The following RIPOR3 variants were observed in gnomAD, a reference collection of about 807,000 sequenced individuals.
The protein encoded by RIPOR3 is RIPOR family member 3.
In RIPOR3, 95 loss-of-function variants were observed where a neutral mutation model predicts 114.3. That is an observed-to-expected ratio of 0.83 (90% CI 0.70 to 0.99). The LOEUF is 0.99. RIPOR3 is among the 50% of genes least tolerant of loss of function. The probability of loss-of-function intolerance (pLI) is 0.00; values close to 1 mark genes in which losing one functional copy is unlikely to be tolerated. For synonymous variants in RIPOR3, 575 were observed against 543.8 expected (o/e 1.06, Z -0.80); for missense variants, 1,252 against 1,266.9 (o/e 0.99, Z 0.18).
At chr20:50,632,405 G>T (rs1001446153) in intron 1 of RIPOR3, among the ~76,000 whole-genome samples, 1 of 152,198 alleles carries the variant, frequency 6.6e-6, no homozygotes, top group Admixed American at 6.5e-5. Flanking sequence ...GGCTGTCTCT[G>T]TGCAATTGGC....
chr20:50,637,162 G>A (rs1434210927), intron 1 of RIPOR3, among the ~76,000 whole-genome samples: 1 of 152,092 alleles, frequency 6.6e-6, no homozygotes, highest in African/African-American at 2.4e-5. Context: ...AGTCCAACTC[G>A]CTCATTTTAC....
At chr20:50,643,467 G>A (rs1404926645) in intron 1 of RIPOR3, among the ~76,000 whole-genome samples, 2 of 150,474 alleles carry the variant, frequency 1.3e-5, no homozygotes, top group Non-Finnish European at 3.0e-5. Context: ...GCCGAGGTGG[G>A]AAGACCGCTT....
chr20:50,627,563 A>G (rs2084665606), intron 2 of RIPOR3, among the ~76,000 whole-genome samples: 1 of 150,674 alleles, frequency 6.6e-6, no homozygotes, highest in African/African-American at 2.5e-5. Context: ...CGCTCCTGTA[A>G]TCCCAGCTAC....
rs1466328433 is a variant in RIPOR3, at chr20:50,620,098, T to A, written c.157A>T (p.Met53Leu). ...TACATCTTGGAGGATTTTGCAGGCA[T>A]TCGCGATCTCACGGAGTTCCTGTTG... ...SINRNSVRSR[M>L]PAKSSKMYGT... Residue 53 changes from methionine to leucine, a missense_variant, in exon 3 of 22, where the codon ATG (methionine) becomes TTG (leucine). Coordinates refer to ENST00000327979, the MANE Select transcript of RIPOR3 (RefSeq NM_001290268.2). 6.2e-7 allele frequency: 1 copy of A among 1,614,178 alleles called. No individual in the cohort carries two copies. Among genetic ancestry groups the A allele is most frequent in the East Asian group, 2.2e-5 (1 of 44,884 alleles).
chr20:50,623,135 C>T (rs920730818), intron 2 of RIPOR3, among the ~76,000 whole-genome samples: 3 of 151,842 alleles, frequency 2.0e-5, no homozygotes, highest in Admixed American at 1.3e-4. Flanking sequence ...GTGGTGGACA[C>T]CTGTAATCCC....
At chr20:50,591,114 C>A (rs572058946) in intron 19 of RIPOR3, among the ~76,000 whole-genome samples, 1 of 151,880 alleles carries the variant, frequency 6.6e-6, no homozygotes. Context: ...GAGAAAGAAA[C>A]GGGGAAAAAA....
intron 1 of RIPOR3, among the ~76,000 whole-genome samples, chr20:50,651,024 T>G (rs1249933548): frequency 6.6e-6 from 1 of 151,824 alleles, no homozygotes; most frequent in East Asian, 1.9e-4. Context: ...TAGACTGGAG[T>G]GCAGTGGCAT....
chr20:50,664,248 C>T (rs1045507221), intron 1 of RIPOR3, among the ~76,000 whole-genome samples: 21 of 152,108 alleles, frequency 1.4e-4, no homozygotes, highest in Admixed American at 1.0e-3. Context: ...CTTTCAAGGA[C>T]AAAAACTGCA....
Position 50,615,984 on chromosome 20 carries a change from G to T in RIPOR3, c.348+18C>A. 6.3e-7 allele frequency: 1 copy of T among 1,598,344 alleles called. No homozygotes were observed. The highest frequency in any genetic ancestry group is 8.5e-7 in the Non-Finnish European group (1 of 1,172,152). On this transcript the variant is annotated intron_variant, in intron 4 of 21. Coordinates refer to ENST00000327979, the MANE Select transcript of RIPOR3 (RefSeq NM_001290268.2). ...GCCAAGGCTATCTGGGTGGGAAGCAGGCAGGGAGGGGTCTCACCAGCCTGG... is the reference window on the plus strand; with the variant it reads ...GCCAAGGCTATCTGGGTGGGAAGCATGCAGGGAGGGGTCTCACCAGCCTGG...
At chr20:50,622,541 G>C (rs189807360) in intron 2 of RIPOR3, among the ~76,000 whole-genome samples, 1 of 152,132 alleles carries the variant, frequency 6.6e-6, no homozygotes, top group East Asian at 1.9e-4. Context: ...CTCTTCCCAG[G>C]GGCGGGAATA....
Position 50,602,217 on chromosome 20 carries a change from G to A in RIPOR3, c.1514C>T (p.Ala505Val), listed in dbSNP as rs2083523928. ...SSSQNGHEEG[A>V]TGDREDGPGV... ...AGGCCCGTCCTCTCTGTCCCCGGTT[G>A]CCCCTTCCTCGTGGCCGTTCTGGCT... Residue 505 changes from alanine to valine, a missense_variant, in exon 13 of 22, where the codon GCA becomes GTA. Ala to Val is a moderately conservative substitution (Grantham distance 64). Transcript: ENST00000327979. This position sits in a 1 kb window ranked among gnomAD's most constrained non-coding sequence, Gnocchi z 4.3. 1.2e-6 allele frequency: 2 copies of A among 1,613,780 alleles called. No individual in the cohort carries two copies. Among genetic ancestry groups the A allele is most frequent in the Non-Finnish European group, 1.7e-6 (2 of 1,179,960 alleles).
intron 1 of RIPOR3, chr20:50,653,354 GT>G (rs1470951550): frequency 6.6e-6 from 1 of 152,008 alleles, no homozygotes; most frequent in Non-Finnish European, 1.5e-5. Flanking sequence ...TCTTTCTGGG[GT>G]AAAACTGCTC....
Position 50,649,646 on chromosome 20 carries a change from GC to G in RIPOR3, c.4-18791del, listed in dbSNP as rs371715237. 3.7e-4 allele frequency among the ~76,000 whole-genome samples: 56 copies of G among 151,854 alleles called. No homozygotes were observed. In the South Asian group the frequency reaches 4.8e-3, roughly 13 times the overall value. On this transcript the variant is annotated intron_variant, in intron 1 of 21. Transcript: ENST00000327979. ...GCCCAGGAACTATTCTGATTCTGCA[GC>G]CCTCAGGCTTTATTGCTTTTCCTGC...
At chr20:50,609,457 C>G in intron 7 of RIPOR3, 101 bp from the exon 8 acceptor site, 1 of 1,501,066 alleles carries the variant, frequency 6.7e-7, no homozygotes, top group Non-Finnish European at 8.9e-7. Context: ...CAGAGAGACG[C>G]CTCCTTGGGG....
chr20:50,609,417 C>T, intron 7 of RIPOR3, 61 bp from the exon 8 acceptor site: 1 of 1,578,246 alleles, frequency 6.3e-7, no homozygotes, highest in East Asian at 2.3e-5. Context: ...GGGCCTCTAA[C>T]CATCCCTGCA....
intron 1 of RIPOR3, among the ~76,000 whole-genome samples, chr20:50,640,662 T>C (rs1421950738): frequency 1.3e-5 from 2 of 150,362 alleles, no homozygotes; most frequent in East Asian, 3.9e-4. Context: ...GCAGAGCAGC[T>C]TCCCTCTACA....
chr20:50,594,655 G>A lies in RIPOR3; in HGVS notation c.2110C>T (p.Pro704Ser). 6.2e-7 allele frequency: 1 copy of A among 1,613,722 alleles called. No individual in the cohort carries two copies. Among genetic ancestry groups the A allele is most frequent in the Non-Finnish European group, 8.5e-7 (1 of 1,179,932 alleles). The change falls in exon 17 of 22, where the codon CCT (proline) becomes TCT (serine). Residue 704 changes from proline to serine, a missense_variant. Coordinates refer to ENST00000327979, the MANE Select transcript of RIPOR3 (RefSeq NM_001290268.2). Reference protein sequence around the residue: ...CLKLWRGCTGPGRVLSCPATT... With the variant: ...CLKLWRGCTGSGRVLSCPATT... ...GCAGGGCAGGACAGGACCCTGCCAG[G>A]CCCTGTGCACCCTCTCCACAGCTTC...
At chr20:50,663,601 G>T (rs2086080259) in intron 1 of RIPOR3, among the ~76,000 whole-genome samples, 1 of 152,152 alleles carries the variant, frequency 6.6e-6, no homozygotes, top group South Asian at 2.1e-4. Context: ...ATCACAAGAG[G>T]CCCCTAGAGG....
Position 50,587,809 on chromosome 20 carries a change from C to T in RIPOR3, c.2745G>A (p.Leu915=), listed in dbSNP as rs2082969589. 6.2e-7 allele frequency: 1 copy of T among 1,614,204 alleles called. No homozygotes were observed. Among genetic ancestry groups the T allele is most frequent in the Non-Finnish European group, 8.5e-7 (1 of 1,180,040 alleles). Residue 915 remains leucine, a synonymous_variant, in exon 21 of 22, where the codon CTG becomes CTA. Transcript: ENST00000327979. The part of the protein sequence containing the change: ...AVRAAARETT[L]SFGEKGRLAF... ...GTTTGTGCCACTTTTTACCGAACGA[C>T]AGTGTGGTTTCCCGGGCTGCCGCCC...
Sources: allele counts gnomAD v4.1 joint callset (sites outside exome capture counted in the v4.1 genomes callset), GRCh38; gene constraint gnomAD v4.1.1; non-coding constraint Gnocchi (gnomAD v3.1); transcripts MANE v1.5; gene names NCBI Gene and HGNC (gene_info 2026-07-23, HGNC 2026-07-21).